Variants in PKHD1L1 observed in about 807,000 individuals in gnomAD.
PKHD1L1 encodes PKHD1 like 1.
In PKHD1L1, 434 loss-of-function variants were observed where a neutral mutation model predicts 462.9. The ratio of observed to expected loss-of-function variants is 0.94; its 90% CI spans 0.87 to 1.02. The LOEUF (loss-of-function observed/expected upper bound fraction) is 1.02, where lower values mean the gene tolerates loss of function less well. Ranked by LOEUF, PKHD1L1 falls within the 50% of genes least tolerant of loss-of-function variation. The pLI is 0.00. For synonymous variants in PKHD1L1, 1,781 were observed against 1,750.0 expected, an observed-to-expected ratio of 1.02 and a Z score of -0.44; for missense variants, 5,202 against 5,096.1, an observed-to-expected ratio of 1.02 and a Z score of -0.63.
At chr8:109,396,160 T>C (rs1812964378) in intron 11 of PKHD1L1, 23 bp downstream of exon 11, 1 of 1,486,394 alleles carries the variant, frequency 6.7e-7, no homozygotes, top group South Asian at 1.2e-5. Flanking sequence ...GTTTTTGATA[T>C]ATTACTTTAT....
chr8:109,417,706 C>T (rs1814255769), intron 21 of PKHD1L1, among the ~76,000 whole-genome samples: 1 of 152,074 alleles, frequency 6.6e-6, no homozygotes, highest in South Asian at 2.1e-4. Context: ...CGTGCCACCC[C>T]GCCCAGCTAA....
chr8:109,398,401 A>G (rs575295846), intron 11 of PKHD1L1, 58 bp from the exon 12 acceptor site: 1 of 1,071,990 alleles, frequency 9.3e-7, no homozygotes, highest in East Asian at 2.6e-5. Context: ...AGATACACTG[A>G]TGTGATTTGC....
At chr8:109,403,167 G>T (rs928725523) in intron 14 of PKHD1L1, among the ~76,000 whole-genome samples, 4 of 152,130 alleles carry the variant, frequency 2.6e-5, no homozygotes, top group Admixed American at 2.6e-4. Flanking sequence ...AACCAGCTTG[G>T]AATTTACATA....
At chr8:109,364,709 T>C in intron 2 of PKHD1L1, 73 bp downstream of exon 2, 1 of 1,005,196 alleles carries the variant, frequency 9.9e-7, no homozygotes, top group Admixed American at 2.7e-5. Flanking sequence ...TTTAGAGCTT[T>C]ATGGACAAAC....
Position 109,536,342 on chromosome 8 carries a change from T to C in PKHD1L1, c.*6252T>C, listed in dbSNP as rs2131078101. On this transcript the variant is annotated 3_prime_UTR_variant, in exon 78 of 78. Coordinates refer to ENST00000378402, the MANE Select transcript of PKHD1L1 (RefSeq NM_177531.6). ...GGCTTAAAGTTGTTCAAGGTCAAAG[T>C]CACGATGTCCATCATGCTGTAGCTC... 6.6e-6 allele frequency among the ~76,000 whole-genome samples: 1 copy of C among 152,370 alleles called. No homozygotes were observed. Among genetic ancestry groups the C allele is most frequent in the Admixed American group, 6.5e-5 (1 of 15,310 alleles).
In PKHD1L1 at chr8:109,480,260, C is replaced by G. The variant is rs1027131456; in HGVS notation, c.9327+121C>G. Reference sequence around the variant, plus strand: ...TGAATAAAAACACAACTGGCTCTATCCCATTAAATGCAAGTCTCAGTTAAG... The same window carrying G: ...TGAATAAAAACACAACTGGCTCTATGCCATTAAATGCAAGTCTCAGTTAAG... On this transcript the variant is annotated intron_variant, in intron 55 of 77. Coordinates refer to ENST00000378402, the MANE Select transcript of PKHD1L1 (RefSeq NM_177531.6). 4.8e-6 allele frequency: 5 copies of G among 1,048,000 alleles called. No individual in the cohort carries two copies. In the Admixed American group the frequency reaches 1.2e-4, roughly 25 times the overall value. The allele number at this position is 1,048,000 out of a possible 1,614,324, so 64.9% of individuals were successfully genotyped here. A position where few individuals can be genotyped will look rare whatever the true frequency, so the allele number is the denominator to read the frequency against.
chr8:109,505,971 T>G (rs1819669098), intron 68 of PKHD1L1, among the ~76,000 whole-genome samples: 1 of 152,174 alleles, frequency 6.6e-6, no homozygotes, highest in Non-Finnish European at 1.5e-5. Context: ...TCATCTGATT[T>G]TGCTTTGCTG....
chr8:109,476,427 G>A, intron 51 of PKHD1L1, 81 bp from the exon 52 acceptor site: 2 of 925,112 alleles, frequency 2.2e-6, no homozygotes, highest in Non-Finnish European at 3.1e-6. Flanking sequence ...TAATATAGGG[G>A]CTAATTATAT....
intron 63 of PKHD1L1, among the ~76,000 whole-genome samples, chr8:109,495,060 AGT>A (rs1322487399): frequency 6.6e-6 from 1 of 151,892 alleles, no homozygotes; most frequent in Non-Finnish European, 1.5e-5. Flanking sequence ...ACTAGTTAAA[AGT>A]GTATTTATTT....
intron 2 of PKHD1L1, among the ~76,000 whole-genome samples, chr8:109,367,852 A>G (rs1811308484): frequency 6.6e-6 from 1 of 152,226 alleles, no homozygotes; most frequent in Admixed American, 6.5e-5. Flanking sequence ...GCAATGAGCT[A>G]TGATTGTACC....
chr8:109,499,819 G>A (rs1819310642), intron 67 of PKHD1L1, among the ~76,000 whole-genome samples: 1 of 152,192 alleles, frequency 6.6e-6, no homozygotes, highest in Admixed American at 6.5e-5. Context: ...AAGCAAGGAT[G>A]TGATATGAGC....
In PKHD1L1 at chr8:109,481,667, A is replaced by G. The variant is rs567981907; in HGVS notation, c.9457+105A>G. ...AGTTCATAATGATAAATACTTTATCATAAAAAGTACTTCTGATACAAAAGT... is the reference window on the plus strand; with the variant it reads ...AGTTCATAATGATAAATACTTTATCGTAAAAAGTACTTCTGATACAAAAGT... On this transcript the variant is annotated intron_variant, in intron 56 of 77. Coordinates refer to ENST00000378402, the MANE Select transcript of PKHD1L1 (RefSeq NM_177531.6). 7.0e-5 allele frequency: 75 copies of G among 1,074,958 alleles called. No homozygotes were observed. In the African/African-American group the frequency reaches 1.2e-3, roughly 17 times the overall value. 66.6% of individuals were successfully genotyped at this position (1,074,958 alleles called of 1,614,324 possible). A position where few individuals can be genotyped will look rare whatever the true frequency, so the allele number is the denominator to read the frequency against.
intron 2 of PKHD1L1, among the ~76,000 whole-genome samples, chr8:109,375,234 G>A (rs1195992135): frequency 1.6e-4 from 24 of 152,052 alleles, no homozygotes; most frequent in South Asian, 6.2e-4. Context: ...TTCTCTTCAC[G>A]CTTCATTTCA....
At chr8:109,397,273 AT>A (rs1239637504) in intron 11 of PKHD1L1, among the ~76,000 whole-genome samples, 3 of 152,182 alleles carry the variant, frequency 2.0e-5, no homozygotes, top group African/African-American at 7.2e-5. Flanking sequence ...TGAAAACATG[AT>A]GTTTATGTGT....
chr8:109,527,525 G>GTAAATAAA (rs979025322), intron 77 of PKHD1L1, among the ~76,000 whole-genome samples: 1 of 151,988 alleles, frequency 6.6e-6, no homozygotes, highest in African/African-American at 2.4e-5. Flanking sequence ...AAATACGTAT[G>GTAAATAAA]TAAATAAATA....
intron 30 of PKHD1L1, among the ~76,000 whole-genome samples, chr8:109,437,624 T>A (rs530605809): frequency 1.4e-4 from 22 of 151,982 alleles, no homozygotes; most frequent in South Asian, 1.0e-3. Context: ...TGACTTTTTT[T>A]AAAAAGTGTA....
intron 27 of PKHD1L1, among the ~76,000 whole-genome samples, chr8:109,432,031 T>A (rs1456524828): frequency 6.6e-6 from 1 of 152,188 alleles, no homozygotes; most frequent in Admixed American, 6.5e-5. Flanking sequence ...TTTTTAGAAA[T>A]TTTTCTATTC....
Position 109,406,384 on chromosome 8 carries a change from T to C in PKHD1L1, c.1719T>C (p.Asn573=), listed in dbSNP as rs1246582174. The C allele has an allele frequency of 1.3e-6, 2 of 1,566,956 alleles. No homozygotes were observed. The highest frequency in any genetic ancestry group is 1.7e-6 in the Non-Finnish European group (2 of 1,154,612). ...ASEFILQSAL[N]DLWSIKPDTV... is the part of the protein sequence containing the mutation. ...AATTCATACTGCAATCAGCCTTGAA[T>C]GACCTCTGGTCTATAAAACCGGACA... The change falls in exon 17 of 78, where the codon AAT becomes AAC. Residue 573 remains asparagine (N), a synonymous_variant. Transcript: ENST00000378402.
chr8:109,381,063 A>G (rs779999399), intron 2 of PKHD1L1, among the ~76,000 whole-genome samples: 13 of 152,148 alleles, frequency 8.5e-5, no homozygotes, highest in Non-Finnish European at 1.5e-4. Flanking sequence ...CTTGTCCTGC[A>G]GGGCTGACTA....
Sources: allele counts gnomAD v4.1 joint callset (sites outside exome capture counted in the v4.1 genomes callset), GRCh38; gene constraint gnomAD v4.1.1; transcripts MANE v1.5; gene names NCBI Gene and HGNC (gene_info 2026-07-23, HGNC 2026-07-21).